Variants in TMX3 observed in about 807,000 individuals in gnomAD.
TMX3 encodes the protein thioredoxin related transmembrane protein 3.
A neutral mutation model predicts 64.4 loss-of-function variants in TMX3; 40 were observed. The ratio of observed to expected loss-of-function variants is 0.62; its 90% CI spans 0.48 to 0.81. The LOEUF is 0.81. Among genes scored for constraint, TMX3 ranks in the 30% least tolerant of loss-of-function variants. The pLI is 0.00. For missense variants in TMX3, 497 were observed against 534.5 expected (o/e 0.93, Z 0.69); for synonymous variants, 189 against 175.7 (o/e 1.08, Z -0.60).
intron 2 of TMX3, among the ~76,000 whole-genome samples, chr18:68,712,946 C>T (rs2031434377): frequency 6.7e-6 from 1 of 149,008 alleles, no homozygotes; most frequent in African/African-American, 2.5e-5. Context: ...ACAAGCTAAA[C>T]TGAAACTAAC....
At chr18:68,693,248 G>T (rs1914700041) in intron 8 of TMX3, among the ~76,000 whole-genome samples, 1 of 152,212 alleles carries the variant, frequency 6.6e-6, no homozygotes, top group South Asian at 2.1e-4. Flanking sequence ...TGCAGCAGGG[G>T]AGGCGCAGCA....
At chr18:68,698,973 G>A (rs1270799878) in intron 6 of TMX3, among the ~76,000 whole-genome samples, 1 of 150,590 alleles carries the variant, frequency 6.6e-6, no homozygotes, top group Non-Finnish European at 1.5e-5. Context: ...AGTGAGCCGA[G>A]ACAGCGCCAC....
At chr18:68,687,932 T>A in intron 9 of TMX3, 167 bp from the exon 10 acceptor site, 1 of 420,278 alleles carries the variant, frequency 2.4e-6, no homozygotes, top group Non-Finnish European at 4.2e-6. Flanking sequence ...ACAGAAGGAT[T>A]AATGCACAAA....
chr18:68,675,204 T>C lies in TMX3; in HGVS notation c.*1729A>G, dbSNP rs1313805206. ...CTTGACTATTGGGAACATTAACATT[T>C]ATCTTCCCAAGAATCACTCATCATT... On this transcript the variant is annotated 3_prime_UTR_variant, in exon 16 of 16. Coordinates refer to ENST00000299608, the MANE Select transcript of TMX3 (RefSeq NM_019022.5). The C allele has an allele frequency of 6.6e-6, 1 of 152,152 alleles. No individual in the cohort carries two copies. The highest frequency in any genetic ancestry group is 1.5e-5 in the Non-Finnish European group (1 of 68,004). 9.4% of individuals were successfully genotyped at this position (152,152 alleles called of 1,614,324 possible). A position where few individuals can be genotyped will look rare whatever the true frequency, so the allele number is the denominator to read the frequency against.
At chr18:68,703,184 T>C (rs1032624486) in intron 4 of TMX3, among the ~76,000 whole-genome samples, 2 of 152,154 alleles carry the variant, frequency 1.3e-5, no homozygotes, top group Non-Finnish European at 2.9e-5. Context: ...TAACGAATAT[T>C]TTTAATGACC....
intron 8 of TMX3, among the ~76,000 whole-genome samples, chr18:68,694,121 C>T (rs1231929133): frequency 2.0e-5 from 3 of 152,072 alleles, no homozygotes; most frequent in African/African-American, 7.2e-5. Context: ...AACTTGGGAC[C>T]CACTGAATGG....
chr18:68,704,233 T>A (rs908223207), intron 4 of TMX3, among the ~76,000 whole-genome samples: 11 of 152,170 alleles, frequency 7.2e-5, no homozygotes, highest in African/African-American at 2.4e-4. Flanking sequence ...TGCTGACACA[T>A]CAATGCACAC....
At chr18:68,698,363 A>C (rs764372261) in intron 6 of TMX3, among the ~76,000 whole-genome samples, 2 of 152,220 alleles carry the variant, frequency 1.3e-5, no homozygotes, top group Admixed American at 6.5e-5. Flanking sequence ...GCCTAAAACA[A>C]GACAATTCCC....
intron 5 of TMX3, 154 bp from the exon 6 acceptor site, chr18:68,700,639 T>G: frequency 2.6e-6 from 2 of 780,174 alleles, no homozygotes; most frequent in East Asian, 1.3e-4. Context: ...ATGGTAGACA[T>G]TAGGCTTGCC....
chr18:68,714,025 T>A, intron 1 of TMX3, 125 bp from the exon 2 acceptor site: 1 of 484,434 alleles, frequency 2.1e-6, no homozygotes, highest in Non-Finnish European at 3.7e-6. Flanking sequence ...CACTGATGCA[T>A]CCCAGGGTGC....
In TMX3 at chr18:68,710,015, G is replaced by T; in HGVS notation, c.265+6C>A. On this transcript the variant is annotated splice_donor_region_variant and intron_variant, in intron 4 of 15. Transcript: ENST00000299608. ...CAGTAAAATAATAAACTAAGTGAAG[G>T]CTTACTAGAATAGGAAGTAGCATCC... 1 of 1,580,402 alleles carries T rather than the reference G, an allele frequency of 6.3e-7. No homozygotes were observed.
chr18:68,684,596 C>CACCCTA, intron 10 of TMX3, 111 bp from the exon 11 acceptor site: 2 of 851,516 alleles, frequency 2.3e-6, no homozygotes, highest in Non-Finnish European at 3.8e-6. Flanking sequence ...GAATTTAATT[C>CACCCTA]CAATCACCCT....
intron 6 of TMX3, among the ~76,000 whole-genome samples, chr18:68,698,928 A>T (rs773320445): frequency 3.2e-4 from 48 of 151,178 alleles, no homozygotes; most frequent in Non-Finnish European, 5.8e-4. Context: ...AGGTTGAGGC[A>T]GGAGAATGGC....
chr18:68,715,024 G>T lies in TMX3; in HGVS notation c.-43C>A, dbSNP rs943938752. 6.4e-7 allele frequency: 1 copy of T among 1,554,300 alleles called. No individual in the cohort carries two copies. Among genetic ancestry groups the T allele is most frequent in the Non-Finnish European group, 8.7e-7 (1 of 1,149,222 alleles). On this transcript the variant is annotated 5_prime_UTR_variant, in exon 1 of 16. Coordinates refer to ENST00000299608, the MANE Select transcript of TMX3 (RefSeq NM_019022.5). The stretch of plus-strand genomic sequence containing the variant: ...GCAGAAGCTGACTGTGCAAAAGAGG[G>T]ATAAAGACACTGGGGTCCGCCGCCT...
intron 15 of TMX3, 88 bp from the exon 16 acceptor site, chr18:68,677,281 C>A: frequency 7.1e-7 from 1 of 1,407,032 alleles, no homozygotes. Flanking sequence ...CTATAGATTT[C>A]TCTTGTTGCT....
Position 68,715,078 on chromosome 18 carries a change from C to G in TMX3, c.-97G>C, listed in dbSNP as rs1279839147. The stretch of plus-strand genomic sequence containing the variant: ...CGCCCGGAAAGGGAAACGGAGCCGA[C>G]CCGGAGCGGAAGAGAAGCACCGCGC... On this transcript the variant is annotated 5_prime_UTR_variant, in exon 1 of 16. Transcript: ENST00000299608. The G allele has an allele frequency of 6.5e-7, 1 of 1,540,550 alleles. No individual in the cohort carries two copies. The highest frequency in any genetic ancestry group is 1.4e-5 in the African/African-American group (1 of 72,460).
intron 2 of TMX3, among the ~76,000 whole-genome samples, chr18:68,713,339 T>A (rs572453483): frequency 6.6e-6 from 1 of 152,286 alleles, no homozygotes; most frequent in East Asian, 1.9e-4. Context: ...GGAGGCCGAA[T>A]CCTTGACTAC....
At chr18:68,695,790 G>C (rs558843162) in intron 8 of TMX3, among the ~76,000 whole-genome samples, 1 of 152,152 alleles carries the variant, frequency 6.6e-6, no homozygotes, top group Non-Finnish European at 1.5e-5. Context: ...CGCACTCTGC[G>C]CTTAGCACAG....
intron 1 of TMX3, chr18:68,714,120 G>A: frequency 3.3e-6 from 1 of 299,640 alleles, no homozygotes; most frequent in Non-Finnish European, 6.3e-6. Flanking sequence ...CAAGTTCTAG[G>A]TAAGCCAATA....
Sources: allele counts gnomAD v4.1 joint callset (sites outside exome capture counted in the v4.1 genomes callset), GRCh38; gene constraint gnomAD v4.1.1; transcripts MANE v1.5; gene names NCBI Gene and HGNC (gene_info 2026-07-23, HGNC 2026-07-21).